The following RBFOX1 variants were observed in gnomAD, a reference collection of about 807,000 sequenced individuals.
RBFOX1 encodes the protein RNA binding fox-1 homolog 1.
Under a neutral mutation model 57.7 loss-of-function variants are expected in RBFOX1, and 8 were observed. The ratio of observed to expected loss-of-function variants is 0.14; its 90% CI spans 0.08 to 0.25. RBFOX1 has a LOEUF of 0.25. Among genes scored for constraint, RBFOX1 ranks in the 10% least tolerant of loss-of-function variants. RBFOX1 has a pLI of 1.00. For synonymous variants in RBFOX1, 326 were observed against 222.4 expected (o/e 1.47, Z -4.15); for missense variants, 611 against 548.5 (o/e 1.11, Z -1.14).
At chr16:7,274,741 G>C (rs1567991649) in intron 4 of RBFOX1, among the ~76,000 whole-genome samples, 1 of 152,028 alleles carries the variant, frequency 6.6e-6, no homozygotes, top group African/African-American at 2.4e-5. Context: ...CTGCAGTGCA[G>C]TAAGACAATC....
At chr16:5,954,014 G>A (rs191234671) in intron 4 of RBFOX1, among the ~76,000 whole-genome samples, 1 of 152,266 alleles carries the variant, frequency 6.6e-6, no homozygotes, top group Admixed American at 6.5e-5. Flanking sequence ...TGTCACCACT[G>A]GGTGGCGAGT....
At chr16:6,526,588 T>TGGGAGG (rs912805445) in intron 2 of RBFOX1, among the ~76,000 whole-genome samples, 12 of 151,870 alleles carry the variant, frequency 7.9e-5, no homozygotes, top group Admixed American at 1.3e-4. Flanking sequence ...CCCAGCACTT[T>TGGGAGG]GGGAGGTGGA....
chr16:5,916,255 T>C (rs1395135209), intron 4 of RBFOX1, among the ~76,000 whole-genome samples: 1 of 152,186 alleles, frequency 6.6e-6, no homozygotes. Flanking sequence ...TGGAAAGCTT[T>C]ATCCATAACA....
At chr16:6,452,027 C>T (rs1342555666) in intron 2 of RBFOX1, among the ~76,000 whole-genome samples, 2 of 151,468 alleles carry the variant, frequency 1.3e-5, no homozygotes, top group Non-Finnish European at 2.9e-5. Flanking sequence ...TGACTCCATC[C>T]ATGGCTCCTT....
At chr16:5,764,669 C>G (rs997491491) in intron 3 of RBFOX1, among the ~76,000 whole-genome samples, 2 of 152,142 alleles carry the variant, frequency 1.3e-5, no homozygotes, top group Admixed American at 6.5e-5. Flanking sequence ...GTAAACCAAC[C>G]TGGACTCAGT....
chr16:5,704,369 C>G (rs1040587154), intron 3 of RBFOX1, among the ~76,000 whole-genome samples: 12 of 152,000 alleles, frequency 7.9e-5, no homozygotes, highest in African/African-American at 2.9e-4. Context: ...GAGTAGCACA[C>G]AGAGGGGCCC....
intron 3 of RBFOX1, among the ~76,000 whole-genome samples, chr16:7,001,398 T>TTGTATATGTATATGTATATCTATA (rs1555743443): frequency 3.9e-4 from 39 of 100,932 alleles, no homozygotes; most frequent in East Asian, 2.0e-3. Context: ...GTATGTGTAT[T>TTGTATATGTATATGTATATCTATA]TGTATATGTA....
At chr16:6,769,060 T>C (rs763352370) in intron 3 of RBFOX1, among the ~76,000 whole-genome samples, 9 of 152,106 alleles carry the variant, frequency 5.9e-5, no homozygotes, top group Non-Finnish European at 1.0e-4. Flanking sequence ...ACAGTTGATA[T>C]TGTTTGGCTG....
At chr16:5,944,129 C>T (rs926551811) in intron 4 of RBFOX1, among the ~76,000 whole-genome samples, 1 of 152,160 alleles carries the variant, frequency 6.6e-6, no homozygotes. Context: ...AGTGAACAAG[C>T]CTTAGTTCAT....
chr16:7,125,672 T>G lies in RBFOX1; in HGVS notation c.27+73574T>G, dbSNP rs866256248. On this transcript the variant is annotated intron_variant, in intron 4 of 15. Coordinates refer to ENST00000550418, the MANE Select transcript of RBFOX1 (RefSeq NM_018723.4). ...GAAGCTGAGGAACAGCAGCAATGAG[T>G]TATTTGCTCTAAAATTTAACACTTT... Among the ~76,000 whole-genome samples, 7 of 152,204 alleles carry G rather than the reference T, an allele frequency of 4.6e-5. No homozygotes were observed. In the South Asian group the frequency reaches 1.5e-3, roughly 32 times the overall value.
At chr16:5,782,815 G>A (rs1180845513) in intron 3 of RBFOX1, among the ~76,000 whole-genome samples, 1 of 152,228 alleles carries the variant, frequency 6.6e-6, no homozygotes, top group Non-Finnish European at 1.5e-5. Flanking sequence ...CAGGGAAGCT[G>A]ATGTTGTAAA....
chr16:6,226,399 AT>A (rs1209374609), intron 1 of RBFOX1, among the ~76,000 whole-genome samples: 2 of 151,620 alleles, frequency 1.3e-5, no homozygotes, highest in South Asian at 4.2e-4. Flanking sequence ...AAACAAAAAA[AT>A]ATTTCCAATA....
At chr16:6,638,644 A>G (rs2098463326) in intron 2 of RBFOX1, among the ~76,000 whole-genome samples, 1 of 152,338 alleles carries the variant, frequency 6.6e-6, no homozygotes, top group East Asian at 1.9e-4. Flanking sequence ...ACTAATTTAT[A>G]TAATGTTTAG....
rs961043769 is a variant in RBFOX1 at position 5,951,185 on chromosome 16, C to T, written c.351+83850C>T. ...ATATTTGGCCGGGCACAGTGGCTCA[C>T]GCCTGAAATCTCAGCACTTTGGGAG... On this transcript the variant is annotated intron_variant, in intron 4 of 19. Transcript: ENST00000641259. Among the ~76,000 whole-genome samples, 13 of 152,110 alleles carry T rather than the reference C, an allele frequency of 8.5e-5. No homozygotes were observed. The East Asian group carries it at 1.5e-3, about 18-fold the overall frequency.
rs765768319 is a variant in RBFOX1, at chr16:7,075,460, C to G, written c.27+23362C>G. Among the ~76,000 whole-genome samples the G allele has an allele frequency of 7.3e-4, 111 of 152,176 alleles. 1 individual carries two copies. The highest frequency in any genetic ancestry group is 1.4e-3 in the Non-Finnish European group (96 of 68,044). ...AAAACAGTTGCAAGTATTTAATAATCTGGAAGTTTTACAGAAATATCTAGA... is the reference window on the plus strand; with the variant it reads ...AAAACAGTTGCAAGTATTTAATAATGTGGAAGTTTTACAGAAATATCTAGA... On this transcript the variant is annotated intron_variant, in intron 4 of 15. Transcript: ENST00000550418.
intron 1 of RBFOX1, among the ~76,000 whole-genome samples, chr16:6,101,969 T>C (rs946806477): frequency 1.3e-5 from 2 of 152,098 alleles, no homozygotes; most frequent in African/African-American, 4.8e-5. Flanking sequence ...GGGTGGGAGC[T>C]GATTGCTTTG....
intron 2 of RBFOX1, among the ~76,000 whole-genome samples, chr16:5,478,245 A>C (rs1055916030): frequency 2.0e-5 from 3 of 151,678 alleles, no homozygotes; most frequent in Non-Finnish European, 4.4e-5. Flanking sequence ...TGATTTCTAA[A>C]AGCCGGATGA....
intron 3 of RBFOX1, among the ~76,000 whole-genome samples, chr16:6,676,993 T>C (rs1603354979): frequency 6.6e-6 from 1 of 152,134 alleles, no homozygotes; most frequent in Non-Finnish European, 1.5e-5. Context: ...CAACTTTCTA[T>C]GCACAGATCC....
intron 15 of RBFOX1, chr16:7,709,848 G>A (rs1328170806): frequency 2.5e-6 from 3 of 1,222,414 alleles, no homozygotes; most frequent in African/African-American, 1.6e-5. Context: ...AGTACAGTAA[G>A]ACGTGCCCAT....
Sources: allele counts gnomAD v4.1 joint callset (sites outside exome capture counted in the v4.1 genomes callset), GRCh38; gene constraint gnomAD v4.1.1; transcripts MANE v1.5; gene names NCBI Gene and HGNC (gene_info 2026-07-23, HGNC 2026-07-21).